CR1: variants seen among roughly 807,000 people sequenced by gnomAD.
CR1 encodes complement receptor type 1.
CR1 carries 116 observed loss-of-function variants against 187.3 expected under a neutral mutation model. The ratio of observed to expected loss-of-function variants is 0.62; its 90% CI spans 0.53 to 0.72. The LOEUF (loss-of-function observed/expected upper bound fraction) is 0.72, where lower values mean the gene tolerates loss of function less well. Among genes scored for constraint, CR1 ranks in the 30% least tolerant of loss-of-function variants. CR1 has a pLI of 0.00. For synonymous variants in CR1, 576 were observed against 747.1 expected, an observed-to-expected ratio of 0.77 and a Z score of 3.73; for missense variants, 1,731 against 2,110.7, an observed-to-expected ratio of 0.82 and a Z score of 3.52.
Position 207,621,835 on chromosome 1 carries a change from C to T in CR1, c.7253-138C>T. The T allele has an allele frequency of 1.1e-5, 6 of 530,552 alleles. No individual in the cohort carries two copies. The East Asian group carries it at 2.1e-4, about 18-fold the overall frequency. 32.9% of individuals were successfully genotyped at this position (530,552 alleles called of 1,614,324 possible). On this transcript the variant is annotated intron_variant, in intron 43 of 46. Coordinates refer to ENST00000367049, the MANE Select transcript of CR1 (RefSeq NM_000651.6). Reference sequence around the variant, plus strand: ...GTAAAATGAGAGTATGTGAATGAAACCAATGGCTTTTTGCATTAGAAAAAA... The same window carrying T: ...GTAAAATGAGAGTATGTGAATGAAATCAATGGCTTTTTGCATTAGAAAAAA...
At chr1:207,583,451 T>C (rs529996057) in intron 32 of CR1, among the ~76,000 whole-genome samples, 2 of 152,180 alleles carry the variant, frequency 1.3e-5, no homozygotes, top group South Asian at 4.1e-4. Flanking sequence ...AGAGTAGAAA[T>C]AGGACTATAG....
At chr1:207,621,483 T>C (rs1449310972) in intron 43 of CR1, among the ~76,000 whole-genome samples, 1 of 152,136 alleles carries the variant, frequency 6.6e-6, no homozygotes, top group Non-Finnish European at 1.5e-5. Context: ...TCTAAGGAAA[T>C]AATGTAAAAT....
At chr1:207,616,950 C>G (rs3930521) in intron 41 of CR1, 148 bp downstream of exon 41, 2 of 1,201,342 alleles carry the variant, frequency 1.7e-6, no homozygotes, top group African/African-American at 3.1e-5. Context: ...GAATGACAAA[C>G]GGGTTATAGA....
chr1:207,513,744 C>CTCCA (rs1659695527), intron 4 of CR1, among the ~76,000 whole-genome samples: 1 of 106,604 alleles, frequency 9.4e-6, no homozygotes, highest in East Asian at 3.3e-4. Context: ...TCCTCCCTCC[C>CTCCA]TCCCTCCCTC....
In CR1 at chr1:207,618,119, A is replaced by G. The variant is rs558883935; in HGVS notation, c.6938A>G (p.His2313Arg). The G allele has an allele frequency of 1.2e-6, 2 of 1,613,980 alleles. No individual in the cohort carries two copies. The highest frequency in any genetic ancestry group is 3.3e-5 in the Admixed American group (2 of 60,028). ...CAAAACGGGCATTACATTGGAGGAC[A>G]CGTATCTCTATATCTTCCTGGGATG... ...KIQNGHYIGG[H>R]VSLYLPGMTI... The change falls in exon 42 of 47, where the codon CAC (histidine) becomes CGC (arginine). Residue 2313 changes from histidine (H) to arginine (R), a missense_variant. Around this residue, in one of 5 missense-constraint regions of CR1, gnomAD observed 1,312 missense variants for 1,379.6 expected, o/e 0.95. Coordinates refer to ENST00000367049, the MANE Select transcript of CR1 (RefSeq NM_000651.6).
chr1:207,610,760 AG>A (rs999467220), intron 37 of CR1, among the ~76,000 whole-genome samples: 1 of 151,768 alleles, frequency 6.6e-6, no homozygotes, highest in Non-Finnish European at 1.5e-5. Flanking sequence ...TTTTTCTTTG[AG>A]GGGGGGTTGT....
intron 35 of CR1, among the ~76,000 whole-genome samples, chr1:207,594,561 C>T (rs1053221584): frequency 2.0e-5 from 3 of 152,058 alleles, no homozygotes; most frequent in Non-Finnish European, 4.4e-5. Flanking sequence ...TGTAACAAAC[C>T]TGCACGTCCT....
chr1:207,564,701 T>G lies in CR1; in HGVS notation c.3866+467T>G, dbSNP rs754469153. Among the ~76,000 whole-genome samples the G allele has an allele frequency of 2.3e-4, 35 of 150,084 alleles. 1 individual carries two copies. Among genetic ancestry groups the G allele is most frequent in the Non-Finnish European group, 4.3e-4 (29 of 67,980 alleles). Reference sequence around the variant, plus strand: ...CTGTAATCCCAGCTACTCCGGAGGCTGAGGCACCAGAATCACTTGAACCTG... The same window carrying G: ...CTGTAATCCCAGCTACTCCGGAGGCGGAGGCACCAGAATCACTTGAACCTG... On this transcript the variant is annotated intron_variant, in intron 23 of 46. Transcript: ENST00000367049.
At chr1:207,588,267 C>T (rs911715958) in intron 34 of CR1, among the ~76,000 whole-genome samples, 2 of 152,148 alleles carry the variant, frequency 1.3e-5, no homozygotes, top group African/African-American at 4.8e-5. Context: ...CTCCTGGGTT[C>T]GAGCAAGTCT....
At chr1:207,580,158 C>T in intron 29 of CR1, 82 bp from the exon 30 acceptor site, 2 of 1,554,606 alleles carry the variant, frequency 1.3e-6, no homozygotes, top group Non-Finnish European at 1.7e-6. Context: ...ATTTCTCTAC[C>T]TCTGACTAGC....
chr1:207,574,262 T>C (rs891725440), intron 27 of CR1, among the ~76,000 whole-genome samples: 8 of 152,296 alleles, frequency 5.3e-5, no homozygotes, highest in Admixed American at 5.2e-4. Context: ...GTTTCAGGGA[T>C]AGAGAAAAAA....
chr1:207,598,220 T>C (rs1661502548), intron 35 of CR1, among the ~76,000 whole-genome samples: 1 of 152,124 alleles, frequency 6.6e-6, no homozygotes, highest in African/African-American at 2.4e-5. Context: ...ACCCTTAAAA[T>C]GGTTTTAATG....
chr1:207,573,626 T>C (rs1660644988), intron 27 of CR1, among the ~76,000 whole-genome samples: 1 of 151,952 alleles, frequency 6.6e-6, no homozygotes, highest in Non-Finnish European at 1.5e-5. Context: ...CCTTTTCATA[T>C]TTGTAACAAG....
intron 32 of CR1, among the ~76,000 whole-genome samples, 166 bp downstream of exon 32, chr1:207,582,169 T>A (rs1045810557): frequency 6.6e-6 from 1 of 152,198 alleles, no homozygotes; most frequent in East Asian, 1.9e-4. Context: ...AAAATAAACA[T>A]GAGAATCATG....
At position 207,641,718 on chromosome 1, in the gene CR1, C is replaced by T. The variant is rs1662990748; in HGVS notation, c.*2309C>T. The T allele has an allele frequency of 6.6e-6, 1 of 152,132 alleles. No homozygotes were observed. Among genetic ancestry groups the T allele is most frequent in the African/African-American group, 2.4e-5 (1 of 41,406 alleles). 9.4% of individuals were successfully genotyped at this position (152,132 alleles called of 1,614,324 possible). A position where few individuals can be genotyped will look rare whatever the true frequency, so the allele number is the denominator to read the frequency against. On this transcript the variant is annotated 3_prime_UTR_variant, in exon 47 of 47. Transcript: ENST00000367049. The stretch of plus-strand genomic sequence containing the variant: ...GATGCTTTAATGAAATTTTCTGTCT[C>T]TACCATTGTAATGAGAAAGGAATAA...
rs560078703 is a variant in CR1 at position 207,609,561 on chromosome 1, G to A, written c.6168G>A (p.Arg2056=). Residue 2056 remains arginine, a synonymous_variant, in exon 37 of 47, where the codon AGG becomes AGA. Transcript: ENST00000367049. ...VENAIRVPGN[R]SFFTLTEIIR... is the part of the protein sequence containing the mutation. Reference sequence around the variant, plus strand: ...ATGCAATTAGAGTACCAGGAAACAGGAGTTTCTTTACCCTCACTGAGATCA... The same window carrying A: ...ATGCAATTAGAGTACCAGGAAACAGAAGTTTCTTTACCCTCACTGAGATCA... 2.5e-6 allele frequency: 4 copies of A among 1,613,820 alleles called. No homozygotes were observed. The highest frequency in any genetic ancestry group is 3.3e-5 in the Admixed American group (2 of 59,998).
intron 35 of CR1, among the ~76,000 whole-genome samples, chr1:207,595,347 C>T (rs1661398641): frequency 6.6e-6 from 1 of 152,002 alleles, no homozygotes; most frequent in Non-Finnish European, 1.5e-5. Flanking sequence ...AAGACAATTT[C>T]TCAGGCTATA....
rs768650170 is a variant in CR1 at position 207,523,802 on chromosome 1, G to A, written c.679G>A (p.Gly227Ser). The change falls in exon 5 of 47, where the codon GGC becomes AGC. Residue 227 changes from glycine to serine, a missense_variant. Around this residue, in one of 5 missense-constraint regions of CR1, gnomAD observed 131 missense variants for 196.8 expected, o/e 0.67. Transcript: ENST00000367049. ...TGACGATCAAGTGGGCATCTGGAGC[G>A]GCCCCGCCCCTCAGTGCATTATACC... ...SNDDQVGIWS[G>S]PAPQCIIPNK... The A allele has an allele frequency of 3.0e-5, 49 of 1,611,732 alleles. No individual in the cohort carries two copies. Among genetic ancestry groups the A allele is most frequent in the East Asian group, 4.5e-5 (2 of 44,902 alleles).
At chr1:207,612,751 G>A (rs1384386173) in intron 39 of CR1, among the ~76,000 whole-genome samples, 1 of 152,208 alleles carries the variant, frequency 6.6e-6, no homozygotes, top group East Asian at 1.9e-4. Context: ...GTGAGTGTGG[G>A]GTCCAGCTGG....
Sources: gnomAD v4.1 joint callset for allele counts (sites outside exome capture counted in the v4.1 genomes callset) on GRCh38, gnomAD v4.1.1 for gene constraint, gnomAD v4.1.1 regional missense constraint, MANE v1.5 for transcripts, NCBI Gene and HGNC (gene_info 2026-07-23, HGNC 2026-07-21) for gene names.